LRCH3: variants seen among roughly 807,000 people sequenced by gnomAD.
LRCH3 encodes the protein leucine rich repeats and calponin homology domain containing 3.
In LRCH3, 68 loss-of-function variants were observed where a neutral mutation model predicts 104.5. The ratio of observed to expected loss-of-function variants is 0.65; its 90% CI spans 0.54 to 0.80. The LOEUF (loss-of-function observed/expected upper bound fraction) is 0.80. Among genes scored for constraint, LRCH3 ranks in the 30% least tolerant of loss-of-function variants. The pLI is 0.00. For missense variants in LRCH3, 951 were observed against 953.9 expected (o/e 1.00, Z 0.04); for synonymous variants, 344 against 361.3 (o/e 0.95, Z 0.54).
intron 1 of LRCH3, among the ~76,000 whole-genome samples, chr3:197,799,086 A>G (rs1002326586): frequency 2.6e-5 from 4 of 152,234 alleles, no homozygotes; most frequent in Non-Finnish European, 5.9e-5. Context: ...AAGATGAACC[A>G]TAGAGGACCA....
At chr3:197,801,270 A>G (rs1731867935) in intron 1 of LRCH3, among the ~76,000 whole-genome samples, 1 of 152,176 alleles carries the variant, frequency 6.6e-6, no homozygotes, top group Non-Finnish European at 1.5e-5. Context: ...AAAGGAAATA[A>G]TTGCCATAAA....
Position 197,854,570 on chromosome 3 carries a change from A to G in LRCH3, c.1644+125A>G. On this transcript the variant is annotated intron_variant, in intron 14 of 20. Transcript: ENST00000425562. The surrounding 1 kb of genome is among the most constrained non-coding windows in gnomAD (Gnocchi z 4.5). ...ATTACTAAATGCTTTATGAAGAACT[A>G]AACCATTTTCCCACATGACCATTTG... 1.1e-6 allele frequency: 1 copy of G among 936,188 alleles called. No individual in the cohort carries two copies. The highest frequency in any genetic ancestry group is 1.6e-5 in the African/African-American group (1 of 61,596). 58.0% of individuals were successfully genotyped at this position (936,188 alleles called of 1,614,324 possible).
chr3:197,825,539 GC>G (rs1177519833), intron 4 of LRCH3, among the ~76,000 whole-genome samples: 1 of 124,560 alleles, frequency 8.0e-6, no homozygotes, highest in Non-Finnish European at 1.6e-5. Flanking sequence ...GAGTGCAGTG[GC>G]TCAATCTCGG....
chr3:197,880,096 C>T (rs367931904), intron 20 of LRCH3, among the ~76,000 whole-genome samples: 5 of 151,192 alleles, frequency 3.3e-5, no homozygotes, highest in South Asian at 2.1e-4. Flanking sequence ...CAGGCGCCCG[C>T]CACCACGCCC....
chr3:197,870,143 T>C lies in LRCH3; in HGVS notation c.1874-17T>C. 6.2e-7 allele frequency: 1 copy of C among 1,609,310 alleles called. No homozygotes were observed. ...CTGCCAGTTGCCTTTCTGTCTTACA[T>C]ATTAATATTTTTATAGGTCATGCTT... On this transcript the variant is annotated splice_polypyrimidine_tract_variant and intron_variant, in intron 17 of 20. Transcript: ENST00000425562.
intron 8 of LRCH3, 104 bp downstream of exon 8, chr3:197,832,421 C>T: frequency 8.8e-7 from 1 of 1,132,958 alleles, no homozygotes; most frequent in Non-Finnish European, 1.2e-6. Flanking sequence ...ATAGCTTCTT[C>T]ACTCTTCTTT....
chr3:197,838,494 G>A lies in LRCH3; in HGVS notation c.1252-827G>A, dbSNP rs556588849. On this transcript the variant is annotated intron_variant, in intron 9 of 20. Coordinates refer to ENST00000425562, the MANE Select transcript of LRCH3 (RefSeq NM_001365715.1). ...TAAGTAGTTTTATGTTTGATTTGTA[G>A]ATATCCTTTTTGGGAAAGTTGTTTT... Among the ~76,000 whole-genome samples, 16 of 152,264 alleles carry A rather than the reference G, an allele frequency of 1.1e-4. No homozygotes were observed. The South Asian group carries it at 3.3e-3, about 32-fold the overall frequency.
intron 9 of LRCH3, among the ~76,000 whole-genome samples, chr3:197,836,706 G>A (rs1736846526): frequency 1.3e-5 from 2 of 152,178 alleles, no homozygotes; most frequent in South Asian, 4.1e-4. Flanking sequence ...ATGAAGCAGA[G>A]TCACTCTGTC....
intron 1 of LRCH3, among the ~76,000 whole-genome samples, chr3:197,795,295 C>G (rs1461087034): frequency 6.6e-6 from 1 of 152,144 alleles, no homozygotes; most frequent in African/African-American, 2.4e-5. Flanking sequence ...TAGGGAACCA[C>G]CCCTCTCAGT....
intron 4 of LRCH3, among the ~76,000 whole-genome samples, chr3:197,824,888 C>G (rs1205613911): frequency 6.6e-6 from 1 of 152,216 alleles, no homozygotes; most frequent in Non-Finnish European, 1.5e-5. Flanking sequence ...AGCTTTCTTT[C>G]TTCTGTGTTA....
intron 17 of LRCH3, among the ~76,000 whole-genome samples, chr3:197,866,797 T>C (rs1315844979): frequency 6.6e-6 from 1 of 152,032 alleles, no homozygotes; most frequent in Admixed American, 6.6e-5. Flanking sequence ...TTCTCCAGCT[T>C]GGCCAACAGA....
rs1738920535 is a variant in LRCH3, at chr3:197,847,581, G to A, written c.1380+121G>A. 7 of 539,030 alleles carry A rather than the reference G, an allele frequency of 1.3e-5. No individual in the cohort carries two copies. The East Asian group carries it at 1.4e-4, about 10-fold the overall frequency. 33.4% of individuals were successfully genotyped at this position (539,030 alleles called of 1,614,324 possible). Reference sequence around the variant, plus strand: ...TTAAGCATTACTAGCTGTCTCAATCGATTAATATAACATATGTACGTGATA... The same window carrying A: ...TTAAGCATTACTAGCTGTCTCAATCAATTAATATAACATATGTACGTGATA... On this transcript the variant is annotated intron_variant, in intron 11 of 20. Transcript: ENST00000425562.
At chr3:197,812,843 C>G (rs1217626528) in intron 1 of LRCH3, among the ~76,000 whole-genome samples, 3 of 152,112 alleles carry the variant, frequency 2.0e-5, no homozygotes, top group African/African-American at 7.2e-5. Flanking sequence ...ATTACAGGCG[C>G]AGGCCACCAC....
intron 1 of LRCH3, among the ~76,000 whole-genome samples, chr3:197,797,893 A>AAAAAAC (rs376623079): frequency 2.7e-4 from 39 of 146,734 alleles, no homozygotes; most frequent in African/African-American, 9.9e-4. Flanking sequence ...CAAAAAAAAA[A>AAAAAAC]ACAAAACCAG....
chr3:197,791,340 C>A lies in LRCH3; in HGVS notation c.62C>A (p.Ser21Ter). ...GCCGAGTACTCTGGCACGGTAGCGT[C>A]GGGAGGTAACCTCCCTGGTGTTCAC... ...AAAEYSGTVASGGNLPGVHCG... is the reference protein window; with the variant it reads ...AAAEYSGTVA The change falls in exon 1 of 21, where the codon TCG (serine) becomes TAG (stop). Residue 21 changes from serine to a stop codon, truncating the protein, a stop_gained. Transcript: ENST00000425562. LOFTEE classifies it high-confidence loss of function. 2 of 1,608,330 alleles carry A rather than the reference C, an allele frequency of 1.2e-6. No individual in the cohort carries two copies. Among genetic ancestry groups the A allele is most frequent in the East Asian group, 4.5e-5 (2 of 44,546 alleles).
intron 20 of LRCH3, chr3:197,875,979 A>G (rs1712843411): frequency 2.5e-6 from 1 of 402,346 alleles, no homozygotes; most frequent in East Asian, 4.0e-5. Flanking sequence ...TTATAAATAT[A>G]TAGATTGAAA....
chr3:197,798,795 A>G (rs552427), intron 1 of LRCH3, among the ~76,000 whole-genome samples: 122,726 of 152,118 alleles, frequency 0.81, 50,445 homozygotes, highest in East Asian at 1. Context: ...CTAGAACTGT[A>G]CTGTGTAGTA....
Position 197,816,441 on chromosome 3 carries a change from C to T in LRCH3, c.408-735C>T, listed in dbSNP as rs186951106. On this transcript the variant is annotated intron_variant, in intron 2 of 20. Coordinates refer to ENST00000425562, the MANE Select transcript of LRCH3 (RefSeq NM_001365715.1). ...GATTACAGGCACATGCCTCCACGCC[C>T]GGCTAATTTTGTATTTTTAGTAGAG... Among the ~76,000 whole-genome samples, 377 of 152,122 alleles carry T rather than the reference C, an allele frequency of 2.5e-3. 2 individuals are homozygous for T. The highest frequency in any genetic ancestry group is 8.1e-3 in the African/African-American group (337 of 41,506).
rs1319378875 is a variant in LRCH3, at chr3:197,871,401, A to T, written c.2069A>T (p.His690Leu). 1 of 1,614,056 alleles carries T rather than the reference A, an allele frequency of 6.2e-7. No individual in the cohort carries two copies. Among genetic ancestry groups the T allele is most frequent in the African/African-American group, 1.3e-5 (1 of 74,998 alleles). Residue 690 changes from histidine (H) to leucine (L), a missense_variant, in exon 19 of 21, where the codon CAT (histidine) becomes CTT (leucine). Coordinates refer to ENST00000425562, the MANE Select transcript of LRCH3 (RefSeq NM_001365715.1). Reference sequence around the variant, plus strand: ...CTAACTGACGGTGTTGTTCTTTGCCATTTGGCCAATCATGTGCGACCTCGA... The same window carrying T: ...CTAACTGACGGTGTTGTTCTTTGCCTTTTGGCCAATCATGTGCGACCTCGA... ...AALTDGVVLC[H>L]LANHVRPRSV...
Sources: gnomAD v4.1 joint callset for allele counts (sites outside exome capture counted in the v4.1 genomes callset) on GRCh38, gnomAD v4.1.1 for gene constraint, Gnocchi (gnomAD v3.1) non-coding constraint, MANE v1.5 for transcripts, NCBI Gene and HGNC (gene_info 2026-07-23, HGNC 2026-07-21) for gene names.